EBF1: variants seen among roughly 807,000 people sequenced by gnomAD.
EBF1 encodes the protein EBF transcription factor 1.
A neutral mutation model predicts 68.4 loss-of-function variants in EBF1; 10 were observed. The ratio of observed to expected loss-of-function variants is 0.15; its 90% CI spans 0.09 to 0.25. The LOEUF (loss-of-function observed/expected upper bound fraction) is 0.25, where lower values mean the gene tolerates loss of function less well. Ranked by LOEUF, EBF1 falls within the 10% of genes least tolerant of loss-of-function variation. The pLI is 1.00. For synonymous variants in EBF1, 298 were observed against 299.8 expected (o/e 0.99, Z 0.06); for missense variants, 509 against 794.4 (o/e 0.64, Z 4.32).
At chr5:158,812,196 T>C (rs1489274346) in intron 8 of EBF1, among the ~76,000 whole-genome samples, 1 of 152,202 alleles carries the variant, frequency 6.6e-6, no homozygotes, top group Non-Finnish European at 1.5e-5. Flanking sequence ...TAGTGTTAAA[T>C]AGATGAATGA....
At chr5:158,866,857 A>ATATATATG (rs1795995009) in intron 6 of EBF1, among the ~76,000 whole-genome samples, 1 of 19,642 alleles carries the variant, frequency 5.1e-5, no homozygotes, top group Non-Finnish European at 1.4e-4. Flanking sequence ...ATATATATAT[A>ATATATATG]TATATATATA....
At chr5:158,999,006 C>T (rs1303911346) in intron 6 of EBF1, among the ~76,000 whole-genome samples, 3 of 151,898 alleles carry the variant, frequency 2.0e-5, no homozygotes, top group African/African-American at 7.3e-5. Context: ...AGGTTCAGTC[C>T]GAATACCACA....
At chr5:158,885,999 C>T (rs1422796) in intron 6 of EBF1, among the ~76,000 whole-genome samples, 1 of 152,212 alleles carries the variant, frequency 6.6e-6, no homozygotes, top group African/African-American at 2.4e-5. Flanking sequence ...GGAGGTTGTT[C>T]TAAGGCAGGA....
At chr5:158,948,462 A>C (rs1439404791) in intron 6 of EBF1, among the ~76,000 whole-genome samples, 1 of 152,014 alleles carries the variant, frequency 6.6e-6, no homozygotes, top group East Asian at 1.9e-4. Flanking sequence ...TCAAAAACAT[A>C]AGTCTGAGAT....
rs530543145 is a variant in EBF1 at position 158,978,292 on chromosome 5, G to A, written c.554+95104C>T. 3.3e-4 allele frequency among the ~76,000 whole-genome samples: 50 copies of A among 152,366 alleles called. No homozygotes were observed. In the South Asian group the frequency reaches 0.01, roughly 31 times the overall value. ...ACGGCAGAAACCTAAAAAATCAATA[G>A]GCCCTGTCAGTCAGGGGCCAGGCGG... On this transcript the variant is annotated intron_variant, in intron 6 of 15. Coordinates refer to ENST00000313708, the MANE Select transcript of EBF1 (RefSeq NM_024007.5).
intron 6 of EBF1, among the ~76,000 whole-genome samples, chr5:158,969,904 G>GA (rs143280142): frequency 0.012 from 1,310 of 105,676 alleles, 55 homozygotes; most frequent in Non-Finnish European, 0.018. Context: ...AAGAAAGAAA[G>GA]AAAGAAAGAA....
intron 8 of EBF1, among the ~76,000 whole-genome samples, chr5:158,819,644 G>A (rs532794350): frequency 4.6e-5 from 7 of 152,094 alleles, no homozygotes; most frequent in African/African-American, 1.4e-4. Flanking sequence ...ACATAGCCTT[G>A]TGGCAGCCAC....
At chr5:158,889,461 T>C (rs1426321712) in intron 6 of EBF1, among the ~76,000 whole-genome samples, 1 of 152,154 alleles carries the variant, frequency 6.6e-6, no homozygotes, top group Non-Finnish European at 1.5e-5. Context: ...CTGCTTAATG[T>C]TATATACAGG....
At chr5:158,782,877 A>C (rs1776696286) in intron 9 of EBF1, among the ~76,000 whole-genome samples, 1 of 151,992 alleles carries the variant, frequency 6.6e-6, no homozygotes, top group South Asian at 2.1e-4. Context: ...TTTTCTACCT[A>C]AGTTGCTTTT....
chr5:158,940,337 G>A (rs1812966575), intron 6 of EBF1, among the ~76,000 whole-genome samples: 1 of 152,200 alleles, frequency 6.6e-6, no homozygotes. Context: ...ATCAGATCGC[G>A]ACGAGTCCAG....
chr5:158,944,039 G>A (rs1561584874), intron 6 of EBF1, among the ~76,000 whole-genome samples: 1 of 152,148 alleles, frequency 6.6e-6, no homozygotes, highest in Non-Finnish European at 1.5e-5. Flanking sequence ...AAGCAGGAGA[G>A]ACAAAACTTA....
intron 6 of EBF1, among the ~76,000 whole-genome samples, chr5:158,994,727 A>T (rs1215481136): frequency 6.6e-6 from 1 of 152,190 alleles, no homozygotes; most frequent in African/African-American, 2.4e-5. Flanking sequence ...CAACCTCAAA[A>T]TCCCAAACAT....
At chr5:158,741,917 C>T (rs1766495533) in intron 10 of EBF1, among the ~76,000 whole-genome samples, 1 of 152,180 alleles carries the variant, frequency 6.6e-6, no homozygotes, top group Non-Finnish European at 1.5e-5. Flanking sequence ...TTAACCTATC[C>T]TTCACAACAA....
chr5:158,738,926 T>C (rs1046369871), intron 10 of EBF1, among the ~76,000 whole-genome samples: 7 of 152,192 alleles, frequency 4.6e-5, no homozygotes, highest in African/African-American at 1.7e-4. Flanking sequence ...TCCTGACATT[T>C]TACACATGAA....
In EBF1 at chr5:158,697,317, A is replaced by C. The variant is rs941066163; in HGVS notation, c.*1794T>G. On this transcript the variant is annotated 3_prime_UTR_variant, in exon 16 of 16. Transcript: ENST00000313708. Reference sequence around the variant, plus strand: ...TATTGGAAAAAACTTCTTAACTTACAAATAATACAAAAATAGACAATGACT... The same window carrying C: ...TATTGGAAAAAACTTCTTAACTTACCAATAATACAAAAATAGACAATGACT... 2 of 194,100 alleles carry C rather than the reference A, an allele frequency of 1.0e-5. No homozygotes were observed. Among genetic ancestry groups the C allele is most frequent in the African/African-American group, 2.3e-5 (1 of 43,126 alleles). 12.0% of individuals were successfully genotyped at this position (194,100 alleles called of 1,614,324 possible). A position where few individuals can be genotyped will look rare whatever the true frequency, so the allele number is the denominator to read the frequency against.
At chr5:158,718,471 C>A (rs964336344) in intron 11 of EBF1, among the ~76,000 whole-genome samples, 2 of 152,174 alleles carry the variant, frequency 1.3e-5, no homozygotes, top group African/African-American at 4.8e-5. Context: ...TCTCTCCATC[C>A]TCTGAAGCCT....
At chr5:158,881,900 A>T (rs1380439519) in intron 6 of EBF1, among the ~76,000 whole-genome samples, 1 of 152,176 alleles carries the variant, frequency 6.6e-6, no homozygotes, top group Non-Finnish European at 1.5e-5. Flanking sequence ...CAGAAGAGCT[A>T]AAAATGAATC....
At chr5:158,875,042 CACACACACACACAT>C (rs1797565148) in intron 6 of EBF1, among the ~76,000 whole-genome samples, 2 of 104,568 alleles carry the variant, frequency 1.9e-5, no homozygotes, top group African/African-American at 8.2e-5. Flanking sequence ...CACACACAAG[CACACACACACACAT>C]ACACACACAC....
chr5:159,024,147 T>C (rs1334699359), intron 6 of EBF1, among the ~76,000 whole-genome samples: 3 of 152,082 alleles, frequency 2.0e-5, no homozygotes, highest in Non-Finnish European at 4.4e-5. Context: ...CTGGAACTCT[T>C]ACACTTCACA....
Sources: allele counts gnomAD v4.1 joint callset (sites outside exome capture counted in the v4.1 genomes callset), GRCh38; gene constraint gnomAD v4.1.1; transcripts MANE v1.5; gene names NCBI Gene and HGNC (gene_info 2026-07-23, HGNC 2026-07-21).